RELN: variants seen among roughly 807,000 people sequenced by gnomAD.
RELN encodes reelin.
RELN carries 108 observed loss-of-function variants against 427.6 expected under a neutral mutation model. That is an observed-to-expected ratio of 0.25 (90% confidence interval 0.22 to 0.30). The LOEUF (loss-of-function observed/expected upper bound fraction) is 0.30, where lower values mean the gene tolerates loss of function less well. Among genes scored for constraint, RELN ranks in the 10% least tolerant of loss-of-function variants. The pLI is 1.00. For missense variants in RELN, 3,715 were observed against 4,302.8 expected, an observed-to-expected ratio of 0.86 and a Z score of 3.82; for synonymous variants, 1,524 against 1,513.4, an observed-to-expected ratio of 1.01 and a Z score of -0.16.
chr7:103,797,829 A>C (rs1792346339), intron 3 of RELN, among the ~76,000 whole-genome samples: 1 of 152,226 alleles, frequency 6.6e-6, no homozygotes, highest in African/African-American at 2.4e-5. Context: ...AAAGGAGGTA[A>C]CAAATCAAAG....
chr7:103,681,562 A>G (rs1833652995), intron 11 of RELN, among the ~76,000 whole-genome samples: 1 of 152,112 alleles, frequency 6.6e-6, no homozygotes, highest in African/African-American at 2.4e-5. Context: ...TAAGACCCAG[A>G]AGAAGGCACA....
At chr7:103,547,604 C>T (rs1830328721) in intron 41 of RELN, among the ~76,000 whole-genome samples, 1 of 152,158 alleles carries the variant, frequency 6.6e-6, no homozygotes, top group Non-Finnish European at 1.5e-5. Context: ...GTCCCAAACT[C>T]CAACTATATC....
chr7:103,605,577 A>G (rs1244323643), intron 22 of RELN, among the ~76,000 whole-genome samples: 1 of 152,216 alleles, frequency 6.6e-6, no homozygotes, highest in African/African-American at 2.4e-5. Context: ...AGGAATTTTC[A>G]GGGACCTGTG....
At chr7:103,753,152 G>A (rs1584464947) in intron 5 of RELN, 30 bp downstream of exon 5, 2 of 1,611,686 alleles carry the variant, frequency 1.2e-6, no homozygotes, top group Admixed American at 1.7e-5. Flanking sequence ...AAGTACTAAA[G>A]TTAATGACAT....
intron 42 of RELN, among the ~76,000 whole-genome samples, chr7:103,543,555 A>T (rs1175975215): frequency 6.6e-6 from 1 of 152,150 alleles, no homozygotes; most frequent in African/African-American, 2.4e-5. Context: ...CTGAGGCAGG[A>T]GAATTACTTG....
intron 1 of RELN, among the ~76,000 whole-genome samples, chr7:103,938,671 G>C (rs1479989591): frequency 6.6e-6 from 1 of 152,014 alleles, no homozygotes; most frequent in Non-Finnish European, 1.5e-5. Flanking sequence ...TTATTTTTCA[G>C]ATACAGGAAT....
At chr7:103,516,507 C>T (rs923986927) in intron 49 of RELN, among the ~76,000 whole-genome samples, 2 of 151,976 alleles carry the variant, frequency 1.3e-5, no homozygotes, top group African/African-American at 2.4e-5. Flanking sequence ...AGGTTGGTTT[C>T]GAACTCCTGA....
At chr7:103,927,241 T>C (rs1795765576) in intron 1 of RELN, among the ~76,000 whole-genome samples, 1 of 152,184 alleles carries the variant, frequency 6.6e-6, no homozygotes, top group Non-Finnish European at 1.5e-5. Context: ...TGCCACTCGA[T>C]ACTGAGAACA....
At chr7:103,540,540 AG>A in intron 43 of RELN, 85 bp from the exon 44 acceptor site, 1 of 1,331,770 alleles carries the variant, frequency 7.5e-7, no homozygotes, top group Non-Finnish European at 1.1e-6. Flanking sequence ...GGGGTAATGC[AG>A]GGGAACGAAA....
intron 29 of RELN, 41 bp from the exon 30 acceptor site, chr7:103,574,340 A>G: frequency 2.6e-6 from 4 of 1,561,514 alleles, no homozygotes; most frequent in South Asian, 2.2e-5. Context: ...CTTTGTTGGA[A>G]TCATTCAAAA....
At position 103,989,085 on chromosome 7, in the gene RELN, C is replaced by G. The variant is rs1487492089; in HGVS notation, c.226+46G>C. 1 of 1,533,302 alleles carries G rather than the reference C, an allele frequency of 6.5e-7. No individual in the cohort carries two copies. Among genetic ancestry groups the G allele is most frequent in the South Asian group, 1.1e-5 (1 of 88,820 alleles). The allele number at this position is 1,533,302 out of a possible 1,614,324, so 95.0% of individuals were successfully genotyped here. On this transcript the variant is annotated intron_variant, in intron 1 of 64. Coordinates refer to ENST00000428762, the MANE Select transcript of RELN (RefSeq NM_005045.4). This position sits in a 1 kb window ranked among gnomAD's most constrained non-coding sequence, Gnocchi z 4.9. ...GAAAGGGATGAGAAAGGTGCGCTGG[C>G]GGGCGCACCCGGCGGCGGCGAGCGC...
At chr7:103,951,718 G>A (rs1796335329) in intron 1 of RELN, among the ~76,000 whole-genome samples, 1 of 151,626 alleles carries the variant, frequency 6.6e-6, no homozygotes, top group South Asian at 2.1e-4. Context: ...TGTTGCCCAG[G>A]CTGAAGTGCA....
chr7:103,930,866 A>C (rs1210413648), intron 1 of RELN, among the ~76,000 whole-genome samples: 1 of 87,646 alleles, frequency 1.1e-5, no homozygotes, highest in Non-Finnish European at 2.4e-5. Flanking sequence ...GGGTGTGAGC[A>C]TATGTGTGTG....
At chr7:103,863,056 T>C (rs1794108320) in intron 2 of RELN, among the ~76,000 whole-genome samples, 1 of 151,620 alleles carries the variant, frequency 6.6e-6, no homozygotes, top group Admixed American at 6.6e-5. Flanking sequence ...AAGAAAAGCT[T>C]TAAGAACTCA....
At chr7:103,805,281 A>T (rs1174030138) in intron 3 of RELN, among the ~76,000 whole-genome samples, 1 of 152,216 alleles carries the variant, frequency 6.6e-6, no homozygotes, top group Non-Finnish European at 1.5e-5. Flanking sequence ...AGTGCTTTGT[A>T]AACAGTAAAA....
intron 4 of RELN, among the ~76,000 whole-genome samples, chr7:103,757,347 T>C (rs1213312220): frequency 6.6e-6 from 1 of 152,176 alleles, no homozygotes; most frequent in African/African-American, 2.4e-5. Flanking sequence ...CTAGATTGAA[T>C]CATTGAATTT....
At chr7:103,810,187 C>G (rs116848157) in intron 3 of RELN, among the ~76,000 whole-genome samples, 8 of 152,146 alleles carry the variant, frequency 5.3e-5, no homozygotes, top group African/African-American at 1.9e-4. Context: ...AATACTTGTA[C>G]ATTTACTTTC....
At chr7:103,856,601 GA>G (rs1414880530) in intron 2 of RELN, among the ~76,000 whole-genome samples, 40 of 138,502 alleles carry the variant, frequency 2.9e-4, no homozygotes, top group African/African-American at 1.0e-3. Flanking sequence ...AAGAAAGAAA[GA>G]AAAAAGCAAA....
intron 3 of RELN, among the ~76,000 whole-genome samples, chr7:103,791,430 C>T (rs773584656): frequency 2.1e-4 from 32 of 152,196 alleles, no homozygotes; most frequent in Admixed American, 1.4e-3. Flanking sequence ...ATTGAGAGTC[C>T]AGTAGTATAC....
Sources: allele counts gnomAD v4.1 joint callset (sites outside exome capture counted in the v4.1 genomes callset), GRCh38; gene constraint gnomAD v4.1.1; non-coding constraint Gnocchi (gnomAD v3.1); transcripts MANE v1.5; gene names NCBI Gene and HGNC (gene_info 2026-07-23, HGNC 2026-07-21).